The following CATSPER3 variants were observed in gnomAD, a reference collection of about 807,000 sequenced individuals.
CATSPER3 encodes the protein cation channel sperm associated 3.
Under a neutral mutation model 36.6 loss-of-function variants are expected in CATSPER3, and 23 were observed. That is an observed-to-expected ratio of 0.63 (90% CI 0.45 to 0.89). The LOEUF is 0.89. CATSPER3 is among the 40% of genes least tolerant of loss of function. The pLI is 0.00. For synonymous variants in CATSPER3, 172 were observed against 184.1 expected (o/e 0.93, Z 0.53); for missense variants, 474 against 503.9 (o/e 0.94, Z 0.57).
At chr5:134,991,011 A>G (rs1011259206) in intron 2 of CATSPER3, among the ~76,000 whole-genome samples, 1 of 152,246 alleles carries the variant, frequency 6.6e-6, no homozygotes, top group South Asian at 2.1e-4. Context: ...TCAATTAACA[A>G]TCTGAAAAAG....
At chr5:134,990,685 T>C (rs1418186706) in intron 2 of CATSPER3, among the ~76,000 whole-genome samples, 2 of 152,112 alleles carry the variant, frequency 1.3e-5, no homozygotes, top group African/African-American at 4.8e-5. Flanking sequence ...GCACACACCG[T>C]TGGAAAAATG....
In CATSPER3 at chr5:135,004,321, G is replaced by A. The variant is rs114008466; in HGVS notation, c.493-3636G>A. Among the ~76,000 whole-genome samples, 629 of 152,282 alleles carry A rather than the reference G, an allele frequency of 4.1e-3. 4 individuals are homozygous for A. The highest frequency in any genetic ancestry group is 0.014 in the African/African-American group (593 of 41,550). On this transcript the variant is annotated intron_variant, in intron 3 of 7. Transcript: ENST00000282611. ...CCCTGGAACAGAAATGCCCGTGTGG[G>A]GTGGGGAGGATCTTGAAAGTGCACA... is the stretch of plus-strand genomic sequence containing the variant.
At chr5:134,987,576 CTG>C (rs1253476588) in intron 2 of CATSPER3, among the ~76,000 whole-genome samples, 1 of 152,142 alleles carries the variant, frequency 6.6e-6, no homozygotes, top group African/African-American at 2.4e-5. Context: ...GAGTAACAAA[CTG>C]GAGCCAGAAG....
chr5:134,980,511 A>G (rs773456122), intron 2 of CATSPER3, among the ~76,000 whole-genome samples: 1 of 143,082 alleles, frequency 7.0e-6, no homozygotes, highest in Non-Finnish European at 1.5e-5. Flanking sequence ...GCTCACTGCA[A>G]CCTCCAGCTC....
At chr5:134,999,277 C>G (rs1395159942) in intron 3 of CATSPER3, among the ~76,000 whole-genome samples, 1 of 152,180 alleles carries the variant, frequency 6.6e-6, no homozygotes, top group Non-Finnish European at 1.5e-5. Context: ...GTCTATATCT[C>G]TGTTTTGGTA....
At position 134,968,038 on chromosome 5, in the gene CATSPER3, C is replaced by T. The variant is rs1751555131; in HGVS notation, c.47C>T (p.Ser16Leu). The stretch of plus-strand genomic sequence containing the variant: ...CGCCACTCGAGAGTCATTTCTAGTT[C>T]ACCAGTTGACACTACATCGGTGGGA... ...HQRHSRVISS[S>L]PVDTTSVGFC... Residue 16 changes from serine (S) to leucine (L), a missense_variant, in exon 1 of 8, where the codon TCA (serine) becomes TTA (leucine). Transcript: ENST00000282611. 6.2e-7 allele frequency: 1 copy of T among 1,614,054 alleles called. No homozygotes were observed. Among genetic ancestry groups the T allele is most frequent in the Non-Finnish European group, 8.5e-7 (1 of 1,179,948 alleles).
intron 1 of CATSPER3, chr5:134,969,188 T>C (rs958117355): frequency 6.6e-6 from 1 of 152,238 alleles, no homozygotes; most frequent in Non-Finnish European, 1.5e-5. Flanking sequence ...TAGACATGTT[T>C]AGTTGAAGTT....
intron 2 of CATSPER3, among the ~76,000 whole-genome samples, chr5:134,981,547 G>T (rs1751751034): frequency 6.6e-6 from 1 of 152,084 alleles, no homozygotes; most frequent in African/African-American, 2.4e-5. Context: ...TGAAGAAATA[G>T]AGACTTCAGA....
intron 2 of CATSPER3, among the ~76,000 whole-genome samples, chr5:134,975,520 A>G (rs990458064): frequency 3.3e-5 from 5 of 152,206 alleles, no homozygotes; most frequent in African/African-American, 1.2e-4. Flanking sequence ...GTCTGAGGTA[A>G]GAGGATTGCT....
chr5:134,993,674 A>C (rs1561461641), intron 2 of CATSPER3, among the ~76,000 whole-genome samples: 1 of 152,224 alleles, frequency 6.6e-6, no homozygotes, highest in South Asian at 2.1e-4. Flanking sequence ...ATTTTCTAAA[A>C]AAAATTATAA....
At chr5:134,984,202 A>T (rs556111573) in intron 2 of CATSPER3, among the ~76,000 whole-genome samples, 78 of 152,298 alleles carry the variant, frequency 5.1e-4, no homozygotes, top group Non-Finnish European at 8.2e-4. Context: ...ACCTGGGAAA[A>T]ACTCTTCTGG....
At chr5:134,988,422 C>T (rs1250606969) in intron 2 of CATSPER3, among the ~76,000 whole-genome samples, 22 of 152,208 alleles carry the variant, frequency 1.4e-4, no homozygotes, top group Admixed American at 1.4e-3. Context: ...AAATATTACC[C>T]ACAGTAGAAC....
chr5:134,989,979 T>C (rs1439173767), intron 2 of CATSPER3, among the ~76,000 whole-genome samples: 1 of 152,072 alleles, frequency 6.6e-6, no homozygotes, highest in Non-Finnish European at 1.5e-5. Flanking sequence ...TATTGTTACA[T>C]CTCAAGGAAT....
intron 2 of CATSPER3, among the ~76,000 whole-genome samples, chr5:134,991,799 T>G (rs1257218863): frequency 6.6e-6 from 1 of 152,170 alleles, no homozygotes; most frequent in Non-Finnish European, 1.5e-5. Flanking sequence ...TGGGCTTCAT[T>G]AAATTAAAAC....
intron 3 of CATSPER3, among the ~76,000 whole-genome samples, chr5:134,997,208 G>A (rs1751961062): frequency 6.6e-6 from 1 of 152,250 alleles, no homozygotes; most frequent in Admixed American, 6.5e-5. Flanking sequence ...GTGTCGTCCT[G>A]TCCTGCCGGA....
chr5:135,000,501 G>A lies in CATSPER3; in HGVS notation c.492+3989G>A, dbSNP rs189446067. The stretch of plus-strand genomic sequence containing the variant: ...AATAGTTTCAGAAGGAATGGTACCA[G>A]CTCCTCCTTGTACCTCTGGTAGAAT... On this transcript the variant is annotated intron_variant, in intron 3 of 7. Transcript: ENST00000282611. Among the ~76,000 whole-genome samples the A allele has an allele frequency of 6.6e-3, 1,006 of 152,312 alleles. 8 individuals are homozygous for A. The highest frequency in any genetic ancestry group is 0.023 in the African/African-American group (951 of 41,570).
intron 3 of CATSPER3, among the ~76,000 whole-genome samples, chr5:135,004,197 G>C (rs570913438): frequency 8.5e-5 from 13 of 152,200 alleles, no homozygotes; most frequent in South Asian, 2.1e-4. Flanking sequence ...GCTTTGTTGT[G>C]TGGCCTCCTC....
rs773873187 is a variant in CATSPER3, at chr5:134,969,974, G to C, written c.134G>C (p.Arg45Thr). The C allele has an allele frequency of 3.1e-6, 5 of 1,613,948 alleles. No individual in the cohort carries two copies. The highest frequency in any genetic ancestry group is 1.7e-5 in the Admixed American group (1 of 59,988). The change falls in exon 2 of 8, where the codon AGA (arginine) becomes ACA (threonine). Residue 45 changes from arginine (R) to threonine (T), a missense_variant. Physicochemically the swap from Arg to Thr is moderately conservative, Grantham distance 71. Transcript: ENST00000282611. Reference protein sequence around the residue: ...NDDECRAFVKRVIMSRFFKII... With the variant: ...NDDECRAFVKTVIMSRFFKII... ...GATGAATGTCGGGCATTTGTGAAGAGAGTCATAATGAGCCGTTTCTTTAAG... is the reference window on the plus strand; with the variant it reads ...GATGAATGTCGGGCATTTGTGAAGACAGTCATAATGAGCCGTTTCTTTAAG...
At chr5:135,002,681 T>C (rs1580913790) in intron 3 of CATSPER3, among the ~76,000 whole-genome samples, 1 of 152,224 alleles carries the variant, frequency 6.6e-6, no homozygotes, top group East Asian at 1.9e-4. Flanking sequence ...TTCTCTAAAC[T>C]TCTCGCTTCA....
Sources: gnomAD v4.1 joint callset for allele counts (sites outside exome capture counted in the v4.1 genomes callset) on GRCh38, gnomAD v4.1.1 for gene constraint, MANE v1.5 for transcripts, NCBI Gene and HGNC (gene_info 2026-07-23, HGNC 2026-07-21) for gene names.